The following BIRC6 variants were observed in gnomAD, a reference collection of about 807,000 sequenced individuals.
BIRC6 encodes dual E2 ubiquitin-conjugating enzyme/E3 ubiquitin-protein ligase BIRC6.
In BIRC6, 98 loss-of-function variants were observed where a neutral mutation model predicts 503.3. The observed-to-expected ratio is 0.19, with a 90% CI of 0.17 to 0.23. The LOEUF is 0.23. Among genes scored for constraint, BIRC6 ranks in the 10% least tolerant of loss-of-function variants. BIRC6 has a pLI of 1.00. For synonymous variants in BIRC6, 2,240 were observed against 2,078.7 expected, an observed-to-expected ratio of 1.08 and a Z score of -2.11; for missense variants, 5,360 against 5,806.0, an observed-to-expected ratio of 0.92 and a Z score of 2.50.
At chr2:32,578,068 T>C (rs2060383700) in intron 66 of BIRC6, among the ~76,000 whole-genome samples, 2 of 152,236 alleles carry the variant, frequency 1.3e-5, no homozygotes, top group South Asian at 2.1e-4. Context: ...TACTTTTTCG[T>C]TGAAACCCTC....
Position 32,414,926 on chromosome 2 carries a change from A to C in BIRC6, c.1635A>C (p.Thr545=). The C allele has an allele frequency of 6.2e-7, 1 of 1,614,012 alleles. No individual in the cohort carries two copies. Reference sequence around the variant, plus strand: ...AACTTGGGGCAAATCCTTGTTTAACAAACTCTAAGAGTGAAAAGACAAAGG... The same window carrying C: ...AACTTGGGGCAAATCCTTGTTTAACCAACTCTAAGAGTGAAAAGACAAAGG... ...LEELGANPCL[T]NSKSEKTKEK... is the part of the protein sequence containing the mutation. Residue 545 remains threonine (T), a synonymous_variant, in exon 10 of 74, where the codon ACA becomes ACC. Coordinates refer to ENST00000421745, the MANE Select transcript of BIRC6 (RefSeq NM_016252.4).
At chr2:32,464,032 T>A (rs2048270467) in intron 24 of BIRC6, among the ~76,000 whole-genome samples, 1 of 152,192 alleles carries the variant, frequency 6.6e-6, no homozygotes, top group Non-Finnish European at 1.5e-5. Context: ...TGGAACAGTT[T>A]CATCCCGAAA....
chr2:32,381,212 T>C (rs1352685685), intron 3 of BIRC6, among the ~76,000 whole-genome samples: 2 of 152,152 alleles, frequency 1.3e-5, no homozygotes, highest in Non-Finnish European at 2.9e-5. Flanking sequence ...TATACTAATA[T>C]TGTGTTATGA....
Position 32,377,609 on chromosome 2 carries a change from A to T in BIRC6, c.347A>T (p.Lys116Ile). 1 of 1,608,768 alleles carries T rather than the reference A, an allele frequency of 6.2e-7. No individual in the cohort carries two copies. Among genetic ancestry groups the T allele is most frequent in the Non-Finnish European group, 8.5e-7 (1 of 1,178,248 alleles). ...ALSAKPGGQV[K>I]CQYISAVDKV... is the part of the protein sequence containing the mutation. ...ACAGCTAAACCAGGTGGACAGGTGA[A>T]ATGTCAGTATATCTCTGCTGTGGAT... The change falls in exon 2 of 74, where the codon AAA (lysine) becomes ATA (isoleucine). Residue 116 changes from lysine to isoleucine, a missense_variant. Transcript: ENST00000421745.
At position 32,469,975 on chromosome 2, in the gene BIRC6, G is replaced by A. The variant is rs140246993; in HGVS notation, c.6348-193G>A. On this transcript the variant is annotated intron_variant, in intron 30 of 73. Transcript: ENST00000421745. Reference sequence around the variant, plus strand: ...TTAATAACATTAGAAAATGTAACCAGTAGTTAGAAAAAAAACTAATTTTAG... The same window carrying A: ...TTAATAACATTAGAAAATGTAACCAATAGTTAGAAAAAAAACTAATTTTAG... 2.6e-3 allele frequency among the ~76,000 whole-genome samples: 403 copies of A among 152,206 alleles called. 1 individual carries two copies. The highest frequency in any genetic ancestry group is 9.0e-3 in the African/African-American group (375 of 41,532).
chr2:32,487,375 T>G (rs375939093), intron 40 of BIRC6, among the ~76,000 whole-genome samples: 1 of 152,172 alleles, frequency 6.6e-6, no homozygotes, highest in African/African-American at 2.4e-5. Flanking sequence ...TGGAAAAAAA[T>G]GCAAATAAAA....
At chr2:32,511,045 G>C (rs1406027254) in intron 53 of BIRC6, among the ~76,000 whole-genome samples, 2 of 151,916 alleles carry the variant, frequency 1.3e-5, no homozygotes, top group African/African-American at 4.8e-5. Context: ...TTTTATAATG[G>C]TTCTGTTTAT....
chr2:32,542,967 T>C (rs575097600), intron 61 of BIRC6, among the ~76,000 whole-genome samples: 1 of 152,070 alleles, frequency 6.6e-6, no homozygotes, highest in South Asian at 2.1e-4. Context: ...ACCTGGCTAA[T>C]TTCTGTATTT....
At chr2:32,447,348 A>T (rs1190101801) in intron 21 of BIRC6, among the ~76,000 whole-genome samples, 2 of 146,932 alleles carry the variant, frequency 1.4e-5, no homozygotes, top group African/African-American at 2.5e-5. Context: ...AGCGCCCCTC[A>T]CCTCCCGGAT....
chr2:32,515,651 T>C lies in BIRC6; in HGVS notation c.11230T>C (p.Ser3744Pro). 1 of 1,610,970 alleles carries C rather than the reference T, an allele frequency of 6.2e-7. No individual in the cohort carries two copies. The highest frequency in any genetic ancestry group is 8.5e-7 in the Non-Finnish European group (1 of 1,179,860). Residue 3744 changes from serine to proline, a missense_variant, in exon 55 of 74, where the codon TCT becomes CCT. Around this residue, in one of 16 missense-constraint regions of BIRC6, gnomAD observed 878 missense variants for 928.9 expected, o/e 0.95. Transcript: ENST00000421745. ...QQTSARSASL[S>P]SAATTGLTTQ... is the part of the protein sequence containing the mutation. ...GACCAGTGCAAGATCAGCTTCTCTT[T>C]CTTCAGCTGCTACAACAGGACTGAC...
At position 32,545,692 on chromosome 2, in the gene BIRC6, C is replaced by T. The variant is rs1354845078; in HGVS notation, c.12642C>T (p.Phe4214=). 3 of 1,613,920 alleles carry T rather than the reference C, an allele frequency of 1.9e-6. No individual in the cohort carries two copies. The highest frequency in any genetic ancestry group is 1.7e-5 in the Admixed American group (1 of 60,006). Residue 4214 remains phenylalanine, a synonymous_variant, in exon 63 of 74, where the codon TTC becomes TTT. Coordinates refer to ENST00000421745, the MANE Select transcript of BIRC6 (RefSeq NM_016252.4). The part of the protein sequence containing the change: ...PSANVLPTLP[F]HVLRSLFSTT... ...CCAATGTGCTTCCAACCCTTCCTTT[C>T]CACGTCCTTCGTAGCTTGTTTAGCA...
chr2:32,466,586 A>G (rs145837027), intron 26 of BIRC6, among the ~76,000 whole-genome samples: 2 of 152,352 alleles, frequency 1.3e-5, no homozygotes, highest in East Asian at 1.9e-4. Context: ...ATCAAATAAT[A>G]CTATTTGGTA....
chr2:32,509,709 T>G, intron 51 of BIRC6, 29 bp from the exon 52 acceptor site: 1 of 1,612,336 alleles, frequency 6.2e-7, no homozygotes, highest in Non-Finnish European at 8.5e-7. Flanking sequence ...CGACTTATAT[T>G]GATCATACAA....
At position 32,463,381 on chromosome 2, in the gene BIRC6, G is replaced by T; in HGVS notation, c.4941G>T (p.Gln1647His). The T allele has an allele frequency of 1.2e-6, 2 of 1,605,932 alleles. No individual in the cohort carries two copies. The highest frequency in any genetic ancestry group is 1.7e-6 in the Non-Finnish European group (2 of 1,176,534). ...KQQQLLKLQQ[Q>H]KAKLEAKLHQ... ...AGCAGCTTTTGAAGCTTCAGCAACAGGTTGGAGACTATTTGGCTCTTTGTT... is the reference window on the plus strand; with the variant it reads ...AGCAGCTTTTGAAGCTTCAGCAACATGTTGGAGACTATTTGGCTCTTTGTT... The change falls in exon 24 of 74, where the codon CAG becomes CAT. Residue 1647 changes from glutamine to histidine, a missense_variant and splice_region_variant. Gln to His is a conservative substitution (Grantham distance 24). This residue lies in a region of BIRC6 where 2,299 missense variants were observed against 2,267.2 expected (regional missense o/e 1.01). Coordinates refer to ENST00000421745, the MANE Select transcript of BIRC6 (RefSeq NM_016252.4).
chr2:32,468,255 C>T (rs1223556512), intron 28 of BIRC6, 144 bp downstream of exon 28: 3 of 993,990 alleles, frequency 3.0e-6, no homozygotes, highest in East Asian at 5.2e-5. Context: ...GTTACAATAA[C>T]ACTTAATGCG....
chr2:32,500,006 G>A lies in BIRC6; in HGVS notation c.8928G>A (p.Ser2976=), dbSNP rs747682260. 8.1e-6 allele frequency: 13 copies of A among 1,613,822 alleles called. No individual in the cohort carries two copies. Among genetic ancestry groups the A allele is most frequent in the African/African-American group, 4.0e-5 (3 of 74,908 alleles). ...GNGSSTSVQG[S]PAYVADLVLA... ...GAAGCAGTACCAGTGTTCAAGGATC[G>A]CCTGCATATGTTGCTGACTTAGTCT... The change falls in exon 46 of 74, where the codon TCG becomes TCA. Residue 2976 remains serine, a synonymous_variant. Coordinates refer to ENST00000421745, the MANE Select transcript of BIRC6 (RefSeq NM_016252.4).
chr2:32,495,440 T>A (rs1449583086), intron 45 of BIRC6, among the ~76,000 whole-genome samples: 1 of 152,196 alleles, frequency 6.6e-6, no homozygotes, highest in Non-Finnish European at 1.5e-5. Context: ...CTGTGAAAGA[T>A]CCAGCAGCTC....
chr2:32,581,539 T>C (rs2060677228), intron 66 of BIRC6, among the ~76,000 whole-genome samples: 2 of 152,184 alleles, frequency 1.3e-5, no homozygotes, highest in South Asian at 4.1e-4. Context: ...TTAAACAAGT[T>C]TTTCTTAGGC....
At chr2:32,450,193 T>C (rs534237386) in intron 22 of BIRC6, among the ~76,000 whole-genome samples, 11 of 152,294 alleles carry the variant, frequency 7.2e-5, no homozygotes, top group African/African-American at 2.2e-4. Flanking sequence ...AATCATGATA[T>C]GTCGGCCGGG....
Sources: gnomAD v4.1 joint callset for allele counts (sites outside exome capture counted in the v4.1 genomes callset) on GRCh38, gnomAD v4.1.1 for gene constraint, gnomAD v4.1.1 regional missense constraint, MANE v1.5 for transcripts, NCBI Gene and HGNC (gene_info 2026-07-23, HGNC 2026-07-21) for gene names.